Variants in PLAG1 observed in about 807,000 individuals in gnomAD.
PLAG1 encodes the protein PLAG1 zinc finger, also known as zinc finger protein PLAG1.
A neutral mutation model predicts 35.5 loss-of-function variants in PLAG1; 7 were observed. The observed-to-expected ratio is 0.20, with a 90% CI of 0.11 to 0.37. The LOEUF (loss-of-function observed/expected upper bound fraction) is 0.37, where lower values mean the gene tolerates loss of function less well. Among genes scored for constraint, PLAG1 ranks in the 10% least tolerant of loss-of-function variants. PLAG1 has a pLI of 1.00. For synonymous variants in PLAG1, 229 were observed against 225.4 expected (o/e 1.02, Z -0.14); for missense variants, 454 against 602.8 (o/e 0.75, Z 2.58).
At chr8:56,188,528 T>C (rs1300839213) in intron 1 of PLAG1, among the ~76,000 whole-genome samples, 1 of 152,236 alleles carries the variant, frequency 6.6e-6, no homozygotes, top group East Asian at 1.9e-4. Flanking sequence ...ATAAGTCACC[T>C]TTAGCACAGA....
intron 1 of PLAG1, among the ~76,000 whole-genome samples, chr8:56,192,033 G>A (rs1172671230): frequency 1.3e-5 from 2 of 152,196 alleles, no homozygotes; most frequent in Non-Finnish European, 2.9e-5. Context: ...AATGACGGCA[G>A]GTGGTGATGG....
intron 3 of PLAG1, among the ~76,000 whole-genome samples, chr8:56,169,613 ACTGC>A (rs1811458366): frequency 6.6e-6 from 1 of 152,174 alleles, no homozygotes; most frequent in Non-Finnish European, 1.5e-5. Flanking sequence ...ATCATGGCTC[ACTGC>A]AGCCTTGACT....
chr8:56,171,155 G>T lies in PLAG1; in HGVS notation c.-182C>A, dbSNP rs1032291587. The stretch of plus-strand genomic sequence containing the variant: ...CCAGTCCCATTGACTCTTCGTGGAA[G>T]AGAGTGGAATCCAATCCTTCCCATT... On this transcript the variant is annotated 5_prime_UTR_variant, in exon 3 of 5. Transcript: ENST00000316981. 2.0e-6 allele frequency: 2 copies of T among 982,322 alleles called. No homozygotes were observed. Among genetic ancestry groups the T allele is most frequent in the Non-Finnish European group, 2.4e-6 (2 of 826,744 alleles). The allele number at this position is 982,322 out of a possible 1,614,324, so 60.9% of individuals were successfully genotyped here.
rs1168227359 is a variant in PLAG1 at position 56,163,058 on chromosome 8, G to A, written c.*3185C>T. The A allele has an allele frequency of 4.7e-6, 1 of 210,704 alleles. No individual in the cohort carries two copies. The highest frequency in any genetic ancestry group is 9.7e-6 in the Non-Finnish European group (1 of 103,226). The allele number at this position is 210,704 out of a possible 1,614,324, so 13.1% of individuals were successfully genotyped here. On this transcript the variant is annotated 3_prime_UTR_variant, in exon 5 of 5. Transcript: ENST00000316981. The stretch of plus-strand genomic sequence containing the variant: ...ATAAAGGTACTTGTATACATCAATG[G>A]ATAGCATTGCTTACAGTGCCAAGAT...
chr8:56,197,426 C>T (rs1041329378), intron 1 of PLAG1, among the ~76,000 whole-genome samples: 5 of 152,216 alleles, frequency 3.3e-5, no homozygotes, highest in Non-Finnish European at 7.3e-5. Context: ...TCCTGGTGAA[C>T]GTGCAGTGTC....
chr8:56,205,869 C>T (rs1812683677), intron 1 of PLAG1, among the ~76,000 whole-genome samples: 1 of 151,948 alleles, frequency 6.6e-6, no homozygotes, highest in Non-Finnish European at 1.5e-5. Context: ...TCATTCTACA[C>T]ATGCACACAC....
intron 1 of PLAG1, among the ~76,000 whole-genome samples, chr8:56,187,629 G>C (rs1220456243): frequency 6.6e-6 from 1 of 152,154 alleles, no homozygotes; most frequent in Admixed American, 6.5e-5. Flanking sequence ...GTGCTGCCCT[G>C]GCCTGATATG....
rs1455324102 is a variant in PLAG1 at position 56,165,960 on chromosome 8, A to G, written c.*283T>C. On this transcript the variant is annotated 3_prime_UTR_variant, in exon 5 of 5. Transcript: ENST00000316981. ...GTAATTTGAAAATGGGATTTGTAAA[A>G]GTTTACTACTAATAATGGCTTTCCT... 1 of 238,578 alleles carries G rather than the reference A, an allele frequency of 4.2e-6. No individual in the cohort carries two copies. The allele number at this position is 238,578 out of a possible 1,614,324, so 14.8% of individuals were successfully genotyped here.
At chr8:56,170,388 T>G (rs904892853) in intron 3 of PLAG1, among the ~76,000 whole-genome samples, 4 of 152,248 alleles carry the variant, frequency 2.6e-5, no homozygotes, top group African/African-American at 9.6e-5. Context: ...GCTCCTCTGC[T>G]TCCCTTGGAA....
intron 1 of PLAG1, among the ~76,000 whole-genome samples, chr8:56,190,836 C>T (rs556373844): frequency 1.4e-4 from 22 of 152,020 alleles, no homozygotes; most frequent in African/African-American, 5.1e-4. Context: ...GGGGAGGACA[C>T]AGTAATTAAT....
At chr8:56,192,948 GA>G (rs200105111) in intron 1 of PLAG1, among the ~76,000 whole-genome samples, 2,720 of 149,786 alleles carry the variant, frequency 0.018, 30 homozygotes, top group Middle Eastern at 0.027. Flanking sequence ...TTTTAAGGAA[GA>G]AAAAAAAATG....
intron 1 of PLAG1, among the ~76,000 whole-genome samples, chr8:56,195,940 A>C (rs1050763806): frequency 1.3e-5 from 2 of 152,188 alleles, no homozygotes; most frequent in Non-Finnish European, 2.9e-5. Flanking sequence ...CAGTGATATC[A>C]AGATGACAGA....
chr8:56,185,599 G>A (rs1269508845), intron 1 of PLAG1, among the ~76,000 whole-genome samples: 1 of 152,182 alleles, frequency 6.6e-6, no homozygotes, highest in African/African-American at 2.4e-5. Flanking sequence ...GCTTAAATGT[G>A]AGTTGCACTC....
intron 1 of PLAG1, among the ~76,000 whole-genome samples, chr8:56,210,780 G>A (rs1045129771): frequency 2.6e-4 from 40 of 151,464 alleles, no homozygotes; most frequent in Admixed American, 3.9e-4. Flanking sequence ...AGGAGGAGGA[G>A]GAGGAGGAGG....
intron 1 of PLAG1, among the ~76,000 whole-genome samples, chr8:56,182,316 A>G (rs2087303785): frequency 6.6e-6 from 1 of 152,212 alleles, no homozygotes; most frequent in Admixed American, 6.5e-5. Flanking sequence ...AAAAAGAGAT[A>G]TGAGGAAGAA....
At chr8:56,197,736 T>G (rs1812425549) in intron 1 of PLAG1, among the ~76,000 whole-genome samples, 1 of 152,174 alleles carries the variant, frequency 6.6e-6, no homozygotes, top group South Asian at 2.1e-4. Context: ...CCCTCATGCA[T>G]CTGTGTCTGT....
At position 56,175,812 on chromosome 8, in the gene PLAG1, C is replaced by A. The variant is rs1016502383; in HGVS notation, c.-217+3597G>T. On this transcript the variant is annotated intron_variant, in intron 2 of 4. Coordinates refer to ENST00000316981, the MANE Select transcript of PLAG1 (RefSeq NM_002655.3). ...AAGTCAATGAATTCCAAAGTGGAATCAGAAAACCCCAATATCAGTTCTCTT... is the reference window on the plus strand; with the variant it reads ...AAGTCAATGAATTCCAAAGTGGAATAAGAAAACCCCAATATCAGTTCTCTT... Among the ~76,000 whole-genome samples, 5 of 152,114 alleles carry A rather than the reference C, an allele frequency of 3.3e-5. No homozygotes were observed. In the East Asian group the frequency reaches 9.6e-4, roughly 29 times the overall value.
rs1811284661 is a variant in PLAG1 at position 56,164,083 on chromosome 8, C to T, written c.*2160G>A. 5.4e-6 allele frequency: 1 copy of T among 186,884 alleles called. No individual in the cohort carries two copies. The highest frequency in any genetic ancestry group is 8.6e-5 in the East Asian group (1 of 11,562). The allele number at this position is 186,884 out of a possible 1,614,324, so 11.6% of individuals were successfully genotyped here. A position where few individuals can be genotyped will look rare whatever the true frequency, so the allele number is the denominator to read the frequency against. ...CTTTCAGAAAAAATATTCTCCTAAT[C>T]AAAAGCTAGGAGCAGTTTGAAAAAT... is the stretch of plus-strand genomic sequence containing the variant. On this transcript the variant is annotated 3_prime_UTR_variant, in exon 5 of 5. Transcript: ENST00000316981.
intron 1 of PLAG1, among the ~76,000 whole-genome samples, chr8:56,198,318 C>T (rs1049250934): frequency 7.2e-5 from 11 of 152,186 alleles, no homozygotes; most frequent in African/African-American, 2.7e-4. Flanking sequence ...CGTGGCTGTG[C>T]AGGCACAGAG....
Sources: allele counts gnomAD v4.1 joint callset (sites outside exome capture counted in the v4.1 genomes callset), GRCh38; gene constraint gnomAD v4.1.1; transcripts MANE v1.5; gene names NCBI Gene and HGNC (gene_info 2026-07-23, HGNC 2026-07-21).